Variants in MAP3K15 observed in about 807,000 individuals in gnomAD.
The protein encoded by MAP3K15 is MAPK/ERK kinase kinase 15.
A neutral mutation model predicts 99.5 loss-of-function variants in MAP3K15; 124 were observed. That is an observed-to-expected ratio of 1.25 (90% CI 1.08 to 1.45). The LOEUF (loss-of-function observed/expected upper bound fraction) is 1.45. Ranked by LOEUF, MAP3K15 falls within the 40% of genes most tolerant of loss-of-function variation. The pLI is 0.00. For synonymous variants in MAP3K15, 494 were observed against 439.6 expected (o/e 1.12, Z -1.55); for missense variants, 1,242 against 1,079.7 (o/e 1.15, Z -2.11).
intron 18 of MAP3K15, among the ~76,000 whole-genome samples, chrX:19,381,086 G>A (rs2063455148): frequency 8.9e-6 from 1 of 112,027 alleles, no homozygotes; most frequent in African/African-American, 3.2e-5. Context: ...GAAATACACA[G>A]AAGGCTGCAA....
chrX:19,372,878 T>C (rs781006689), intron 21 of MAP3K15, 51 bp from the exon 22 acceptor site: 1 of 1,139,975 alleles, frequency 8.8e-7, no homozygotes, highest in Non-Finnish European at 1.2e-6. Flanking sequence ...GCACTGTCCC[T>C]GGGAGTGTGT....
chrX:19,410,629 A>T (rs2063680176), intron 11 of MAP3K15, among the ~76,000 whole-genome samples: 1 of 111,795 alleles, frequency 8.9e-6, no homozygotes, highest in Admixed American at 9.5e-5. Flanking sequence ...ATAAACTTTT[A>T]TCATGTTAAG....
At chrX:19,425,759 G>A in intron 8 of MAP3K15, 69 bp from the exon 9 acceptor site, 1 of 1,013,339 alleles carries the variant, frequency 9.9e-7, no homozygotes, top group Non-Finnish European at 1.3e-6. Context: ...GGATAAGCAG[G>A]TATTTTATTT....
At chrX:19,509,935 T>C (rs748107363) in intron 1 of MAP3K15, among the ~76,000 whole-genome samples, 4 of 111,451 alleles carry the variant, frequency 3.6e-5, no homozygotes, top group African/African-American at 6.5e-5. Context: ...CCCATGGAAA[T>C]ACAAACTACC....
intron 3 of MAP3K15, among the ~76,000 whole-genome samples, chrX:19,480,586 AG>A (rs1471460547): frequency 9.5e-6 from 1 of 104,777 alleles, no homozygotes; most frequent in Non-Finnish European, 2.0e-5. Context: ...AGGCCAAGGC[AG>A]GTGGATCACC....
intron 1 of MAP3K15, among the ~76,000 whole-genome samples, chrX:19,501,481 G>C (rs1447115658): frequency 9.0e-6 from 1 of 111,427 alleles, no homozygotes; most frequent in African/African-American, 3.3e-5. Flanking sequence ...CTGTCATTAG[G>C]ATGGATGTTA....
intron 9 of MAP3K15, among the ~76,000 whole-genome samples, chrX:19,418,130 A>G (rs2063752028): frequency 8.9e-6 from 1 of 112,176 alleles, no homozygotes; most frequent in African/African-American, 3.2e-5. Context: ...TAAAAATCAG[A>G]GCACCTCTCC....
At chrX:19,363,470 ACGTAT>A (rs1166886730) in intron 25 of MAP3K15, among the ~76,000 whole-genome samples, 6 of 111,834 alleles carry the variant, frequency 5.4e-5, no homozygotes, top group Non-Finnish European at 1.1e-4. Context: ...TGTCTCAAAA[ACGTAT>A]CGTGAACCAA....
chrX:19,431,245 C>G (rs1216054804), intron 7 of MAP3K15, among the ~76,000 whole-genome samples, 193 bp downstream of exon 7: 1 of 111,229 alleles, frequency 9.0e-6, no homozygotes, highest in East Asian at 2.8e-4. Context: ...AGAGTGTGAC[C>G]AGTAGAAAAC....
intron 25 of MAP3K15, among the ~76,000 whole-genome samples, chrX:19,367,719 A>C (rs1336293694): frequency 1.8e-5 from 1 of 54,412 alleles, no homozygotes; most frequent in Non-Finnish European, 3.6e-5. Flanking sequence ...TGCTATAACT[A>C]TGGATTTTTT....
At chrX:19,415,074 A>T (rs1331109038) in intron 10 of MAP3K15, 33 bp downstream of exon 10, 13 of 1,100,711 alleles carry the variant, frequency 1.2e-5, no homozygotes, top group Admixed American at 1.0e-4. Flanking sequence ...TTTTTTCCTA[A>T]TCTTAAAAAA....
intron 3 of MAP3K15, among the ~76,000 whole-genome samples, chrX:19,465,830 G>GGTGTGTGTGTGTGTGTGT (rs10589040): frequency 2.1e-5 from 2 of 94,006 alleles, no homozygotes; most frequent in African/African-American, 7.7e-5. Flanking sequence ...GGTGTGTAGG[G>GGTGTGTGTGTGTGTGTGT]GTGTGTGTGT....
intron 25 of MAP3K15, among the ~76,000 whole-genome samples, chrX:19,367,723 A>ATTTTTTTTTTTTTTTTTTTTT (rs748998915): frequency 1.7e-4 from 4 of 24,139 alleles, no homozygotes; most frequent in Non-Finnish European, 1.6e-4. Flanking sequence ...ATAACTATGG[A>ATTTTTTTTTTTTTTTTTTTTT]TTTTTTTTTT....
chrX:19,468,273 G>A (rs1199905571), intron 3 of MAP3K15, among the ~76,000 whole-genome samples: 1 of 112,193 alleles, frequency 8.9e-6, no homozygotes, highest in African/African-American at 3.2e-5. Context: ...AAATGGGAAA[G>A]AGACAGCTAG....
chrX:19,396,807 G>A (rs1301875836), intron 15 of MAP3K15, among the ~76,000 whole-genome samples: 2 of 111,757 alleles, frequency 1.8e-5, no homozygotes, highest in Admixed American at 9.5e-5. Context: ...TGTGGATCCC[G>A]GAATGATTAA....
At chrX:19,402,644 T>C (rs775586409) in intron 13 of MAP3K15, among the ~76,000 whole-genome samples, 2 of 111,420 alleles carry the variant, frequency 1.8e-5, no homozygotes, top group African/African-American at 3.3e-5. Context: ...TGAACTGATA[T>C]ATACTTCACA....
At chrX:19,388,519 C>T (rs778353127) in intron 18 of MAP3K15, among the ~76,000 whole-genome samples, 12 of 112,195 alleles carry the variant, frequency 1.1e-4, no homozygotes, top group Admixed American at 7.6e-4. Context: ...TAAGTACAAG[C>T]GAGTATTTAA....
At chrX:19,453,484 AG>A (rs1279454647) in intron 6 of MAP3K15, among the ~76,000 whole-genome samples, 3 of 104,618 alleles carry the variant, frequency 2.9e-5, no homozygotes, top group African/African-American at 1.1e-4. Flanking sequence ...TGGGCGACAG[AG>A]TGAGCGTCTC....
chrX:19,511,512 G>T (rs1216682794), intron 1 of MAP3K15, among the ~76,000 whole-genome samples: 3 of 111,648 alleles, frequency 2.7e-5, no homozygotes, highest in Non-Finnish European at 5.6e-5. Flanking sequence ...CAAAGGATAT[G>T]AACAGACACT....
Sources: gnomAD v4.1 joint callset for allele counts (sites outside exome capture counted in the v4.1 genomes callset) on GRCh38, gnomAD v4.1.1 for gene constraint, MANE v1.5 for transcripts, NCBI Gene and HGNC (gene_info 2026-07-23, HGNC 2026-07-21) for gene names.